The following AGBL4 variants were observed in gnomAD, a reference collection of about 807,000 sequenced individuals.
AGBL4 encodes AGBL carboxypeptidase 4, also known as cytosolic carboxypeptidase 6.
Under a neutral mutation model 66.4 loss-of-function variants are expected in AGBL4, and 58 were observed. The ratio of observed to expected loss-of-function variants is 0.87; its 90% confidence interval spans 0.71 to 1.09. AGBL4 has a LOEUF of 1.09. AGBL4 is among the 50% of genes least tolerant of loss of function. The pLI is 0.00. For missense variants in AGBL4, 579 were observed against 631.0 expected (o/e 0.92, Z 0.88); for synonymous variants, 234 against 222.9 (o/e 1.05, Z -0.44).
At chr1:49,915,032 A>C (rs906355002) in intron 1 of AGBL4, among the ~76,000 whole-genome samples, 3 of 152,202 alleles carry the variant, frequency 2.0e-5, no homozygotes, top group Admixed American at 2.0e-4. Context: ...AAAGGAGATA[A>C]TCAAACCATA....
At position 49,536,555 on chromosome 1, in the gene AGBL4, C is replaced by A. The variant is rs1228646752; in HGVS notation, c.282+160758G>T. 2.0e-5 allele frequency among the ~76,000 whole-genome samples: 3 copies of A among 151,970 alleles called. No individual in the cohort carries two copies. The South Asian group carries it at 6.2e-4, about 32-fold the overall frequency. ...TCTTTCACAGAATTAGAAAAAACAA[C>A]CCTAAAATTCATACGGTACCAACAA... On this transcript the variant is annotated intron_variant, in intron 3 of 13. Transcript: ENST00000371839.
intron 1 of AGBL4, among the ~76,000 whole-genome samples, chr1:49,898,856 A>C (rs967645348): frequency 3.9e-5 from 6 of 152,216 alleles, no homozygotes; most frequent in Non-Finnish European, 8.8e-5. Flanking sequence ...TAAGTGAAGT[A>C]AGCTAGGCAC....
At chr1:48,666,600 T>A (rs1646192087) in intron 6 of AGBL4, among the ~76,000 whole-genome samples, 1 of 152,242 alleles carries the variant, frequency 6.6e-6, no homozygotes, top group East Asian at 1.9e-4. Flanking sequence ...AATCATCACA[T>A]ATTTATTGAA....
intron 3 of AGBL4, among the ~76,000 whole-genome samples, chr1:49,372,840 C>G (rs1392800072): frequency 1.3e-5 from 2 of 151,612 alleles, no homozygotes; most frequent in African/African-American, 4.9e-5. Context: ...CTCACTGAAG[C>G]CTCAACCTCC....
chr1:48,758,965 T>C, intron 6 of AGBL4: 1 of 1,606,320 alleles, frequency 6.2e-7, no homozygotes, highest in Non-Finnish European at 8.5e-7. Context: ...CTCCTTCATT[T>C]CAGACACAAG....
At chr1:49,427,737 A>C (rs551447679) in intron 3 of AGBL4, among the ~76,000 whole-genome samples, 2 of 152,346 alleles carry the variant, frequency 1.3e-5, no homozygotes, top group South Asian at 4.1e-4. Context: ...GAACAAAAGA[A>C]GAAAGTTTCC....
chr1:49,406,938 G>A (rs1024510895), intron 3 of AGBL4, among the ~76,000 whole-genome samples: 16 of 151,538 alleles, frequency 1.1e-4, no homozygotes, highest in African/African-American at 9.7e-5. Flanking sequence ...GGTGGCGGGC[G>A]CCTGTAGTCC....
At chr1:48,659,312 A>G (rs1372697258) in intron 7 of AGBL4, among the ~76,000 whole-genome samples, 1 of 152,170 alleles carries the variant, frequency 6.6e-6, no homozygotes. Context: ...GCAAGGACTT[A>G]GGCAAAGTCC....
chr1:49,555,158 T>C (rs1333171785), intron 3 of AGBL4, among the ~76,000 whole-genome samples: 1 of 152,134 alleles, frequency 6.6e-6, no homozygotes, highest in Non-Finnish European at 1.5e-5. Flanking sequence ...GATTGGCCCA[T>C]TTTACAAAGA....
intron 1 of AGBL4, among the ~76,000 whole-genome samples, chr1:50,015,512 C>A (rs1250320222): frequency 6.6e-6 from 1 of 152,130 alleles, no homozygotes; most frequent in African/African-American, 2.4e-5. Flanking sequence ...AAAAAATTAG[C>A]TATGCGTGGT....
At chr1:49,695,925 G>A (rs757534184) in intron 3 of AGBL4, among the ~76,000 whole-genome samples, 11 of 152,074 alleles carry the variant, frequency 7.2e-5, no homozygotes, top group Non-Finnish European at 1.2e-4. Context: ...AGAAGGCTCA[G>A]AGTCCCTAAA....
At chr1:49,271,193 C>A in intron 3 of AGBL4, among the ~76,000 whole-genome samples, 1 of 152,018 alleles carries the variant, frequency 6.6e-6, no homozygotes, top group African/African-American at 2.4e-5. Flanking sequence ...CTTTTGATTT[C>A]TTATATTCTT....
chr1:49,129,883 C>T (rs1300803382), intron 4 of AGBL4, among the ~76,000 whole-genome samples: 6 of 152,128 alleles, frequency 3.9e-5, no homozygotes, highest in East Asian at 1.9e-4. Context: ...CCTGAGGAAT[C>T]GCCACACTGA....
intron 2 of AGBL4, among the ~76,000 whole-genome samples, chr1:49,728,573 A>G (rs1255634444): frequency 6.6e-6 from 1 of 152,142 alleles, no homozygotes; most frequent in African/African-American, 2.4e-5. Context: ...CAAGTTTGTA[A>G]TGATGTGCCA....
intron 3 of AGBL4, among the ~76,000 whole-genome samples, chr1:49,400,385 C>T (rs926565749): frequency 1.1e-5 from 1 of 88,732 alleles, no homozygotes; most frequent in African/African-American, 5.2e-5. Flanking sequence ...GATCCATATA[C>T]ATTTTAGGAA....
chr1:48,850,470 AT>A (rs1376608767), intron 6 of AGBL4, among the ~76,000 whole-genome samples: 2 of 151,998 alleles, frequency 1.3e-5, no homozygotes, highest in African/African-American at 4.8e-5. Context: ...TGACTATCTC[AT>A]CCCAATACTC....
chr1:49,618,075 A>G (rs558539016), intron 3 of AGBL4, among the ~76,000 whole-genome samples: 41 of 151,378 alleles, frequency 2.7e-4, no homozygotes, highest in African/African-American at 9.9e-4. Context: ...TCGTTGTTCA[A>G]CTCCCACTTA....
chr1:48,786,701 A>G (rs1383614145), intron 6 of AGBL4, among the ~76,000 whole-genome samples: 1 of 152,148 alleles, frequency 6.6e-6, no homozygotes, highest in East Asian at 1.9e-4. Flanking sequence ...GAGGTTACCA[A>G]CTGTTGAAGC....
At chr1:48,848,552 G>C (rs954208591) in intron 6 of AGBL4, among the ~76,000 whole-genome samples, 2 of 152,088 alleles carry the variant, frequency 1.3e-5, no homozygotes, top group Admixed American at 6.5e-5. Context: ...AGTTAATTTA[G>C]ATCTCTATAA....
Sources: allele counts gnomAD v4.1 joint callset (sites outside exome capture counted in the v4.1 genomes callset), GRCh38; gene constraint gnomAD v4.1.1; transcripts MANE v1.5; gene names NCBI Gene and HGNC (gene_info 2026-07-23, HGNC 2026-07-21).